PSME3: variants seen among roughly 807,000 people sequenced by gnomAD.
PSME3 encodes proteasome activator complex subunit 3.
Under a neutral mutation model 38.3 loss-of-function variants are expected in PSME3, and 7 were observed. That is an observed-to-expected ratio of 0.18 (90% CI 0.10 to 0.34). PSME3 has a LOEUF of 0.34. PSME3 is among the 10% of genes least tolerant of loss of function. PSME3 has a pLI of 1.00. For missense variants in PSME3, 192 were observed against 307.6 expected (o/e 0.62, Z 2.81); for synonymous variants, 108 against 105.7 (o/e 1.02, Z -0.13).
In PSME3 at chr17:42,841,732, C is replaced by T. The variant is rs756520164; in HGVS notation, c.*154C>T. On this transcript the variant is annotated 3_prime_UTR_variant, in exon 11 of 11. Transcript: ENST00000590720. ...AGTCTAATGAAACTCTCATCTAGTTCTGTGATGTGTTTACCTCTTTTTTCA... is the reference window on the plus strand; with the variant it reads ...AGTCTAATGAAACTCTCATCTAGTTTTGTGATGTGTTTACCTCTTTTTTCA... 1.9e-6 allele frequency: 1 copy of T among 518,372 alleles called. No individual in the cohort carries two copies. Among genetic ancestry groups the T allele is most frequent in the Non-Finnish European group, 3.4e-6 (1 of 298,198 alleles). 32.1% of individuals were successfully genotyped at this position (518,372 alleles called of 1,614,324 possible). A position where few individuals can be genotyped will look rare whatever the true frequency, so the allele number is the denominator to read the frequency against.
At position 42,833,463 on chromosome 17, in the gene PSME3, C is replaced by G. The variant is rs11542144; in HGVS notation, c.-169C>G. The G allele has an allele frequency of 6.7e-6, 5 of 745,838 alleles. No individual in the cohort carries two copies. Among genetic ancestry groups the G allele is most frequent in the Non-Finnish European group, 1.1e-5 (5 of 459,464 alleles). 46.2% of individuals were successfully genotyped at this position (745,838 alleles called of 1,614,324 possible). On this transcript the variant is annotated 5_prime_UTR_variant, in exon 1 of 11. Transcript: ENST00000590720. Reference sequence around the variant, plus strand: ...AGAGAGCAAGCAGGCAGCAGGCTGCCGGCGGGCGGGCGGACGGCACAGAGG... The same window carrying G: ...AGAGAGCAAGCAGGCAGCAGGCTGCGGGCGGGCGGGCGGACGGCACAGAGG...
Position 42,839,326 on chromosome 17 carries a change from T to G in PSME3, c.630T>G (p.Asp210Glu). 1 of 1,613,756 alleles carries G rather than the reference T, an allele frequency of 6.2e-7. No homozygotes were observed. Among genetic ancestry groups the G allele is most frequent in the East Asian group, 2.2e-5 (1 of 44,868 alleles). ...EDYRRTVTEIDEKEYISLRLI... is the reference protein window; with the variant it reads ...EDYRRTVTEIEEKEYISLRLI... ...ATCGCCGCACCGTGACAGAGATTGA[T>G]GAGAAAGAATATATCAGCCTTCGGC... Residue 210 changes from aspartate (D) to glutamate (E), a missense_variant, in exon 10 of 11, where the codon GAT becomes GAG. Transcript: ENST00000590720.
intron 10 of PSME3, among the ~76,000 whole-genome samples, chr17:42,840,688 A>C (rs2055520944): frequency 6.6e-6 from 1 of 152,222 alleles, no homozygotes; most frequent in Non-Finnish European, 1.5e-5. Flanking sequence ...TAACACATTG[A>C]AGGACCTGGT....
chr17:42,841,132 C>CA (rs35142424), intron 10 of PSME3, among the ~76,000 whole-genome samples: 5,308 of 63,422 alleles, frequency 0.084, 308 homozygotes, highest in African/African-American at 0.21. Flanking sequence ...GACCGTGTCT[C>CA]AAAAAAAAAA....
At position 42,834,029 on chromosome 17, in the gene PSME3, G is replaced by T. The variant is rs553481231; in HGVS notation, c.43-315G>T. 4.0e-5 allele frequency: 58 copies of T among 1,440,074 alleles called. No individual in the cohort carries two copies. The East Asian group carries it at 1.4e-3, about 35-fold the overall frequency. The allele number at this position is 1,440,074 out of a possible 1,614,324, so 89.2% of individuals were successfully genotyped here. On this transcript the variant is annotated intron_variant, in intron 1 of 10. Coordinates refer to ENST00000590720, the MANE Select transcript of PSME3 (RefSeq NM_005789.4). ...TATCATAGACTAGGTCTGGGTGGGG[G>T]TTGGCACGTTTGTGAGCTCACATCT... is the stretch of plus-strand genomic sequence containing the variant.
chr17:42,838,267 CAG>C (rs1173134443), intron 6 of PSME3, 62 bp downstream of exon 6: 7 of 1,606,296 alleles, frequency 4.4e-6, no homozygotes, highest in Middle Eastern at 2.1e-4. Context: ...GTGCAAAAAA[CAG>C]TGGATGTACG....
chr17:42,841,114 T>C (rs1311594927), intron 10 of PSME3, among the ~76,000 whole-genome samples: 2 of 128,794 alleles, frequency 1.6e-5, no homozygotes, highest in Non-Finnish European at 3.1e-5. Flanking sequence ...GCCTGAGCGA[T>C]AGAGCAAGAC....
At position 42,841,641 on chromosome 17, in the gene PSME3, T is replaced by C; in HGVS notation, c.*63T>C. On this transcript the variant is annotated 3_prime_UTR_variant, in exon 11 of 11. Transcript: ENST00000590720. Reference sequence around the variant, plus strand: ...TCAAGACCGACATTGCCTTGGTTTGTTACATGACTATCGTGATGGGGAAAC... The same window carrying C: ...TCAAGACCGACATTGCCTTGGTTTGCTACATGACTATCGTGATGGGGAAAC... 8.5e-7 allele frequency: 1 copy of C among 1,174,710 alleles called. No homozygotes were observed. The highest frequency in any genetic ancestry group is 1.4e-5 in the South Asian group (1 of 70,148). 72.8% of individuals were successfully genotyped at this position (1,174,710 alleles called of 1,614,324 possible).
chr17:42,839,945 A>AAGATTGCT (rs1440837113), intron 10 of PSME3, among the ~76,000 whole-genome samples: 1 of 149,030 alleles, frequency 6.7e-6, no homozygotes, highest in Non-Finnish European at 1.5e-5. Context: ...GCGGTGAGCC[A>AAGATTGCT]AGATTGCTCC....
intron 10 of PSME3, 78 bp downstream of exon 10, chr17:42,839,458 A>G (rs2144254527): frequency 8.1e-7 from 1 of 1,239,506 alleles, no homozygotes; most frequent in African/African-American, 1.5e-5. Context: ...AATTCTCTGA[A>G]GGGCTGAGAT....
chr17:42,838,663 C>G (rs747587312), intron 6 of PSME3, 68 bp from the exon 7 acceptor site: 1 of 1,423,048 alleles, frequency 7.0e-7, no homozygotes, highest in South Asian at 1.2e-5. Context: ...TGGCTCCAGC[C>G]GTCTGAATTG....
At position 42,834,372 on chromosome 17, in the gene PSME3, G is replaced by C; in HGVS notation, c.71G>C (p.Ser24Thr). The change falls in exon 2 of 11, where the codon AGT (serine) becomes ACT (threonine). Residue 24 changes from serine to threonine, a missense_variant. Physicochemically the swap from Ser to Thr is moderately conservative, Grantham distance 58. Around this residue, in one of 2 missense-constraint regions of PSME3, gnomAD observed 110 missense variants for 139.3 expected, o/e 0.79. Coordinates refer to ENST00000590720, the MANE Select transcript of PSME3 (RefSeq NM_005789.4). ...KVDSFRERIT[S>T]EAEDLVANFF... ...GATTCTTTCAGGGAGCGGATCACAA[G>C]TGAGGTGAGTGAAATAAATAGAAAA... 1 of 1,613,992 alleles carries C rather than the reference G, an allele frequency of 6.2e-7. No homozygotes were observed. The highest frequency in any genetic ancestry group is 8.5e-7 in the Non-Finnish European group (1 of 1,180,002).
Position 42,842,894 on chromosome 17 carries a change from A to C in PSME3, c.*1316A>C, listed in dbSNP as rs2144264361. 6.5e-6 allele frequency: 1 copy of C among 152,714 alleles called. No individual in the cohort carries two copies. The highest frequency in any genetic ancestry group is 1.9e-4 in the East Asian group (1 of 5,314). 9.5% of individuals were successfully genotyped at this position (152,714 alleles called of 1,614,324 possible). A position where few individuals can be genotyped will look rare whatever the true frequency, so the allele number is the denominator to read the frequency against. The stretch of plus-strand genomic sequence containing the variant: ...GACTCTTAGTGTCTGTTTCTGACTT[A>C]TTTTTCCTGTCTCTGTCTTCCAACC... On this transcript the variant is annotated 3_prime_UTR_variant, in exon 11 of 11. Coordinates refer to ENST00000590720, the MANE Select transcript of PSME3 (RefSeq NM_005789.4).
intron 2 of PSME3, 24 bp downstream of exon 2, chr17:42,834,400 G>T (rs1413108276): frequency 3.7e-6 from 6 of 1,612,814 alleles, no homozygotes; most frequent in South Asian, 3.3e-5. Flanking sequence ...ATAGAAAAAT[G>T]GTTGTTGGTT....
At position 42,834,057 on chromosome 17, in the gene PSME3, C is replaced by T. The variant is rs139563012; in HGVS notation, c.43-287C>T. Reference sequence around the variant, plus strand: ...GGCACGTTTGTGAGCTCACATCTTCCCTAACTACCTGTCTTTTGTCTGCTT... The same window carrying T: ...GGCACGTTTGTGAGCTCACATCTTCTCTAACTACCTGTCTTTTGTCTGCTT... On this transcript the variant is annotated intron_variant, in intron 1 of 10. Transcript: ENST00000590720. 5.9e-4 allele frequency: 848 copies of T among 1,442,298 alleles called. 12 individuals carry two copies. The African/African-American group carries it at 0.011, about 19-fold the overall frequency. The allele number at this position is 1,442,298 out of a possible 1,614,324, so 89.3% of individuals were successfully genotyped here. A position where few individuals can be genotyped will look rare whatever the true frequency, so the allele number is the denominator to read the frequency against.
intron 6 of PSME3, 99 bp downstream of exon 6, chr17:42,838,304 G>T: frequency 6.6e-7 from 1 of 1,522,772 alleles, no homozygotes; most frequent in East Asian, 2.3e-5. Context: ...TGGCAGACTA[G>T]GTTTTTTTGA....
intron 1 of PSME3, 152 bp from the exon 2 acceptor site, chr17:42,834,192 G>A: frequency 6.5e-7 from 1 of 1,537,448 alleles, no homozygotes; most frequent in African/African-American, 1.4e-5. Context: ...ATGGAAAAAT[G>A]GATCCTCAAA....
chr17:42,839,481 T>G (rs2055504988), intron 10 of PSME3, 101 bp downstream of exon 10: 4 of 953,996 alleles, frequency 4.2e-6, no homozygotes, highest in Non-Finnish European at 6.5e-6. Context: ...GGGTCTGAGG[T>G]AAAATGAATA....
intron 1 of PSME3, chr17:42,834,004 TATC>T: frequency 7.0e-7 from 1 of 1,438,842 alleles, no homozygotes; most frequent in Non-Finnish European, 9.1e-7. Flanking sequence ...GCCTGCCTAG[TATC>T]ATAGACTAGG....
Sources: gnomAD v4.1 joint callset for allele counts (sites outside exome capture counted in the v4.1 genomes callset) on GRCh38, gnomAD v4.1.1 for gene constraint, gnomAD v4.1.1 regional missense constraint, MANE v1.5 for transcripts, NCBI Gene and HGNC (gene_info 2026-07-23, HGNC 2026-07-21) for gene names.